The following AP4S1 variants were observed in gnomAD, a reference collection of about 807,000 sequenced individuals.
AP4S1 encodes the protein AP-4 complex subunit sigma-1.
In AP4S1, 23 loss-of-function variants were observed where a neutral mutation model predicts 19.8. The ratio of observed to expected loss-of-function variants is 1.16; its 90% CI spans 0.84 to 1.65. The LOEUF (loss-of-function observed/expected upper bound fraction) is 1.65, where lower values mean the gene tolerates loss of function less well. Ranked by LOEUF, AP4S1 falls within the 40% of genes most tolerant of loss-of-function variation. The pLI is 0.00. For synonymous variants in AP4S1, 46 were observed against 54.1 expected (o/e 0.85, Z 0.66); for missense variants, 166 against 172.8 (o/e 0.96, Z 0.22).
In AP4S1 at chr14:31,073,243, C is replaced by T. The variant is rs539642672; in HGVS notation, c.294+270C>T. On this transcript the variant is annotated intron_variant, in intron 4 of 5. Coordinates refer to ENST00000542754, the MANE Select transcript of AP4S1 (RefSeq NM_001128126.3). Reference sequence around the variant, plus strand: ...CGATGGCTCACGCCTGTAATCCCAGCACTTTGGGAGGCTAAGGTGGGCAGA... The same window carrying T: ...CGATGGCTCACGCCTGTAATCCCAGTACTTTGGGAGGCTAAGGTGGGCAGA... The T allele has an allele frequency of 8.9e-5, 33 of 372,730 alleles. 1 individual carries two copies. The highest frequency in any genetic ancestry group is 7.3e-4 in the South Asian group (31 of 42,206). 23.1% of individuals were successfully genotyped at this position (372,730 alleles called of 1,614,324 possible).
chr14:31,079,853 A>T (rs538191844), intron 4 of AP4S1, among the ~76,000 whole-genome samples: 45 of 150,924 alleles, frequency 3.0e-4, no homozygotes, highest in African/African-American at 9.7e-4. Flanking sequence ...TAAATAAATA[A>T]AATAGATTTT....
chr14:31,033,895 A>T (rs765942134), intron 1 of AP4S1, among the ~76,000 whole-genome samples: 42 of 152,224 alleles, frequency 2.8e-4, no homozygotes, highest in Admixed American at 1.3e-4. Flanking sequence ...ATGAGTAAGA[A>T]AAAAAATAGG....
intron 4 of AP4S1, 42 bp from the exon 5 acceptor site, chr14:31,080,531 G>T (rs1006697261): frequency 3.3e-6 from 5 of 1,517,902 alleles, no homozygotes; most frequent in Non-Finnish European, 4.6e-6. Flanking sequence ...GTGGTCCCCA[G>T]TGTCTTTTTT....
chr14:31,041,795 A>G lies in AP4S1; in HGVS notation c.-72+16008A>G, dbSNP rs1363686176. ...GCTTTTTCTTTGCCATTTCTAACCT[A>G]TACCCACAGTTTGTCAAAGTAAGTA... On this transcript the variant is annotated intron_variant, in intron 1 of 5. Transcript: ENST00000542754. 2.0e-5 allele frequency among the ~76,000 whole-genome samples: 3 copies of G among 152,320 alleles called. No individual in the cohort carries two copies. The East Asian group carries it at 5.8e-4, about 29-fold the overall frequency.
chr14:31,077,033 G>A lies in AP4S1; in HGVS notation c.295-3540G>A, dbSNP rs532945213. ...TGCAACCTCCGTCCCGGGTTCAAGC[G>A]ATTCTCATGCCTCAGCCCCCCAAGT... is the stretch of plus-strand genomic sequence containing the variant. On this transcript the variant is annotated intron_variant, in intron 4 of 5. Transcript: ENST00000542754. Among the ~76,000 whole-genome samples the A allele has an allele frequency of 1.4e-4, 21 of 152,252 alleles. No individual in the cohort carries two copies. The South Asian group carries it at 3.3e-3, about 24-fold the overall frequency.
chr14:31,080,922 T>C (rs895150283), intron 5 of AP4S1, among the ~76,000 whole-genome samples: 8 of 152,152 alleles, frequency 5.3e-5, no homozygotes, highest in Non-Finnish European at 1.2e-4. Flanking sequence ...CTCAGCCTCC[T>C]GAGGCATTAC....
In AP4S1 at chr14:31,072,371, A is replaced by G. The variant is rs535667822; in HGVS notation, c.226-534A>G. The stretch of plus-strand genomic sequence containing the variant: ...GGATTACAGGTGTGAGCCATCACGC[A>G]TGGCCTTTTTGTTTTTTAAGATAGG... On this transcript the variant is annotated intron_variant, in intron 3 of 5. Coordinates refer to ENST00000542754, the MANE Select transcript of AP4S1 (RefSeq NM_001128126.3). Among the ~76,000 whole-genome samples the G allele has an allele frequency of 4.6e-5, 7 of 151,584 alleles. No individual in the cohort carries two copies. In the South Asian group the frequency reaches 6.3e-4, roughly 14 times the overall value.
rs1166410380 is a variant in AP4S1 at position 31,080,589 on chromosome 14, C to T, written c.306+5C>T. The stretch of plus-strand genomic sequence containing the variant: ...GTCTTCCAGAGTGAATTAGATGTAT[C>T]CTTTTTCAATACTGTTTTCCACAGT... On this transcript the variant is annotated splice_donor_5th_base_variant and intron_variant, in intron 5 of 5. Coordinates refer to ENST00000542754, the MANE Select transcript of AP4S1 (RefSeq NM_001128126.3). The T allele has an allele frequency of 3.7e-6, 6 of 1,613,524 alleles. No individual in the cohort carries two copies. The highest frequency in any genetic ancestry group is 5.1e-6 in the Non-Finnish European group (6 of 1,179,512).
chr14:31,027,688 A>G (rs1884107258), intron 1 of AP4S1, among the ~76,000 whole-genome samples: 1 of 152,170 alleles, frequency 6.6e-6, no homozygotes, highest in Admixed American at 6.5e-5. Context: ...AGTTTGAGGA[A>G]TGTAACATAT....
chr14:31,069,277 A>G (rs1209159663), intron 2 of AP4S1, among the ~76,000 whole-genome samples: 3 of 152,220 alleles, frequency 2.0e-5, no homozygotes, highest in Non-Finnish European at 1.5e-5. Flanking sequence ...AATGTTTACA[A>G]TGCGAGATTT....
At chr14:31,078,253 C>G (rs1887471100) in intron 4 of AP4S1, among the ~76,000 whole-genome samples, 1 of 152,308 alleles carries the variant, frequency 6.6e-6, no homozygotes, top group African/African-American at 2.4e-5. Flanking sequence ...CATAGACCAG[C>G]ACTGTTCAGT....
chr14:31,057,285 C>T (rs927152243), intron 1 of AP4S1, among the ~76,000 whole-genome samples: 1 of 152,094 alleles, frequency 6.6e-6, no homozygotes, highest in African/African-American at 2.4e-5. Flanking sequence ...GTTGCCACTC[C>T]CTGCTTCCTA....
chr14:31,026,078 T>G, intron 1 of AP4S1: 1 of 1,530,366 alleles, frequency 6.5e-7, no homozygotes, highest in African/African-American at 1.4e-5. Context: ...CGCCCGCCGC[T>G]CCGTTCCCCC....
At chr14:31,076,014 G>T (rs1214129757) in intron 4 of AP4S1, among the ~76,000 whole-genome samples, 1 of 152,148 alleles carries the variant, frequency 6.6e-6, no homozygotes, top group Non-Finnish European at 1.5e-5. Context: ...GGGATTACAG[G>T]CGTGAGCCGT....
intron 1 of AP4S1, among the ~76,000 whole-genome samples, chr14:31,045,171 G>A (rs1220598583): frequency 6.6e-6 from 1 of 152,100 alleles, no homozygotes; most frequent in African/African-American, 2.4e-5. Flanking sequence ...CAAAGCGCTG[G>A]GATTGCAGGC....
At chr14:31,065,304 C>T (rs1426160790) in intron 1 of AP4S1, among the ~76,000 whole-genome samples, 2 of 152,210 alleles carry the variant, frequency 1.3e-5, no homozygotes, top group African/African-American at 4.8e-5. Flanking sequence ...GCTCATTCTT[C>T]ACGACCTCAC....
chr14:31,038,411 C>G (rs1884900093), intron 1 of AP4S1, among the ~76,000 whole-genome samples: 2 of 152,086 alleles, frequency 1.3e-5, no homozygotes, highest in South Asian at 4.1e-4. Flanking sequence ...AGAATTGTAC[C>G]TTTTGTGGTG....
At chr14:31,076,578 T>C (rs1003729961) in intron 4 of AP4S1, among the ~76,000 whole-genome samples, 5 of 152,260 alleles carry the variant, frequency 3.3e-5, no homozygotes, top group East Asian at 1.9e-4. Flanking sequence ...TTATCAGATA[T>C]ATGATTTGAA....
intron 1 of AP4S1, among the ~76,000 whole-genome samples, chr14:31,060,013 ATATGTATATATATT>A (rs1886343551): frequency 1.4e-5 from 2 of 143,828 alleles, no homozygotes; most frequent in East Asian, 2.0e-4. Flanking sequence ...ATTTATGTAT[ATATGTATATATATT>A]TATGTATATA....
Sources: allele counts gnomAD v4.1 joint callset (sites outside exome capture counted in the v4.1 genomes callset), GRCh38; gene constraint gnomAD v4.1.1; transcripts MANE v1.5; gene names NCBI Gene and HGNC (gene_info 2026-07-23, HGNC 2026-07-21).